CORO2B: variants seen among roughly 807,000 people sequenced by gnomAD.
The protein encoded by CORO2B is coronin 2B.
Under a neutral mutation model 58.8 loss-of-function variants are expected in CORO2B, and 26 were observed. That is an observed-to-expected ratio of 0.44 (90% CI 0.32 to 0.61). CORO2B has a LOEUF of 0.61. Among genes scored for constraint, CORO2B ranks in the 20% least tolerant of loss-of-function variants. The pLI, the probability that CORO2B is intolerant of heterozygous loss-of-function variation, is 0.04. For synonymous variants in CORO2B, 242 were observed against 253.8 expected, an observed-to-expected ratio of 0.95 and a Z score of 0.44; for missense variants, 460 against 645.1, an observed-to-expected ratio of 0.71 and a Z score of 3.11.
chr15:68,624,826 G>A (rs1430646824), intron 1 of CORO2B, among the ~76,000 whole-genome samples: 1 of 152,108 alleles, frequency 6.6e-6, no homozygotes. Flanking sequence ...GGGATTACGG[G>A]TGCCTACCAC....
intron 1 of CORO2B, among the ~76,000 whole-genome samples, chr15:68,620,958 C>T (rs1051451045): frequency 4.6e-5 from 7 of 152,180 alleles, no homozygotes; most frequent in East Asian, 1.9e-4. Context: ...GCACAGCGAG[C>T]GGTACAGGGC....
Position 68,726,094 on chromosome 15 carries a change from A to G in CORO2B, c.*120A>G. The G allele has an allele frequency of 7.9e-7, 1 of 1,267,862 alleles. No homozygotes were observed. Among genetic ancestry groups the G allele is most frequent in the Non-Finnish European group, 1.1e-6 (1 of 921,506 alleles). The allele number at this position is 1,267,862 out of a possible 1,614,324, so 78.5% of individuals were successfully genotyped here. ...GACAGGAGTGGGGGCCAGCCTGAGG[A>G]CCCCCGCCTACCACCTCGAGAACTG... On this transcript the variant is annotated 3_prime_UTR_variant, in exon 12 of 12. Coordinates refer to ENST00000261861, the MANE Select transcript of CORO2B (RefSeq NM_006091.5).
At chr15:68,559,848 C>T in the CORO2B span, among the ~76,000 whole-genome samples, 6 of 152,242 alleles carry the variant, frequency 3.9e-5, no homozygotes, top group Non-Finnish European at 7.3e-5. The surrounding 1 kb of genome is among the most constrained non-coding windows in gnomAD (Gnocchi z 4.3). Context: ...CGCAAACGCG[C>T]GCGCACGGAG....
the CORO2B span, among the ~76,000 whole-genome samples, chr15:68,519,967 T>C: frequency 1.3e-5 from 2 of 152,234 alleles, no homozygotes; most frequent in African/African-American, 4.8e-5. Context: ...TTTTGATATA[T>C]AATATTTATC....
At chr15:68,652,513 C>T (rs1034486641) in intron 2 of CORO2B, among the ~76,000 whole-genome samples, 2 of 152,168 alleles carry the variant, frequency 1.3e-5, no homozygotes, top group Admixed American at 1.3e-4. Flanking sequence ...ACCTGCTACC[C>T]CAACTGGCAC....
intron 1 of CORO2B, chr15:68,632,374 G>A: frequency 1.0e-6 from 1 of 985,430 alleles, no homozygotes; most frequent in Non-Finnish European, 1.2e-6. Context: ...ATTCAGCTCG[G>A]TCCAGTAGAG....
At chr15:68,716,084 G>T (rs992838399) in intron 8 of CORO2B, among the ~76,000 whole-genome samples, 4 of 152,136 alleles carry the variant, frequency 2.6e-5, no homozygotes, top group African/African-American at 9.7e-5. Context: ...GGCTGAAAGG[G>T]CCTGAGAGCC....
At chr15:68,713,884 G>A in intron 5 of CORO2B, 41 bp from the exon 6 acceptor site, 1 of 1,444,284 alleles carries the variant, frequency 6.9e-7, no homozygotes, top group Non-Finnish European at 9.7e-7. Context: ...GAACCCACAT[G>A]TTGGGGACCC....
At chr15:68,611,399 GT>G (rs199581053) in intron 1 of CORO2B, among the ~76,000 whole-genome samples, 1 of 151,882 alleles carries the variant, frequency 6.6e-6, no homozygotes, top group South Asian at 2.1e-4. Flanking sequence ...TTGTTTGTTT[GT>G]TTTTTTTCCC....
At position 68,588,145 on chromosome 15, in the gene CORO2B, C is replaced by A. The variant is rs370903805; in HGVS notation, c.15+8868C>A. Among the ~76,000 whole-genome samples the A allele has an allele frequency of 4.6e-5, 7 of 152,342 alleles. No homozygotes were observed. The South Asian group carries it at 1.2e-3, about 27-fold the overall frequency. ...TGTGATGTCTAATCTGTGCCCACTC[C>A]TTTCCTCTTCCTCACCAGTATTTCA... On this transcript the variant is annotated intron_variant, in intron 1 of 11. Transcript: ENST00000261861.
At chr15:68,602,626 G>A (rs1243498096) in intron 1 of CORO2B, among the ~76,000 whole-genome samples, 1 of 152,140 alleles carries the variant, frequency 6.6e-6, no homozygotes, top group Non-Finnish European at 1.5e-5. Context: ...CCTGGCTGGT[G>A]GGAGCCCCCA....
chr15:68,546,403 G>A, the CORO2B span, among the ~76,000 whole-genome samples: 2 of 152,132 alleles, frequency 1.3e-5, no homozygotes, highest in Non-Finnish European at 2.9e-5. Context: ...CTTAGCTACC[G>A]CAAGGGATTC....
intron 1 of CORO2B, among the ~76,000 whole-genome samples, chr15:68,608,241 G>A (rs911801517): frequency 6.6e-6 from 1 of 152,270 alleles, no homozygotes; most frequent in African/African-American, 2.4e-5. Context: ...CTAGGCAGGG[G>A]CCCAGGGTGG....
intron 4 of CORO2B, 48 bp from the exon 5 acceptor site, chr15:68,711,494 G>A: frequency 6.4e-7 from 1 of 1,564,772 alleles, no homozygotes; most frequent in Non-Finnish European, 8.7e-7. Context: ...AAACACCCCA[G>A]GACCCTAGCA....
At chr15:68,648,636 C>T (rs564284382) in intron 2 of CORO2B, among the ~76,000 whole-genome samples, 4 of 151,176 alleles carry the variant, frequency 2.6e-5, no homozygotes, top group South Asian at 2.1e-4. Context: ...GGCCACAGAG[C>T]GAGACTCCGT....
intron 11 of CORO2B, among the ~76,000 whole-genome samples, chr15:68,721,354 A>C (rs549622848): frequency 6.6e-6 from 1 of 152,284 alleles, no homozygotes; most frequent in South Asian, 2.1e-4. Flanking sequence ...ATTTGCTTTA[A>C]AATAACCCCT....
At chr15:68,633,514 TACAC>T (rs147873341) in intron 1 of CORO2B, among the ~76,000 whole-genome samples, 2,747 of 144,064 alleles carry the variant, frequency 0.019, 56 homozygotes, top group African/African-American at 0.064. Flanking sequence ...TACTCCAACA[TACAC>T]ACACACACAC....
the CORO2B span, among the ~76,000 whole-genome samples, chr15:68,547,770 T>C: frequency 4.5e-4 from 68 of 152,348 alleles, 1 homozygote; most frequent in African/African-American, 1.3e-3. Flanking sequence ...AATTTAAAAA[T>C]TACTTTACAT....
chr15:68,598,435 CCTT>C (rs1359777907), intron 1 of CORO2B, among the ~76,000 whole-genome samples: 1 of 152,208 alleles, frequency 6.6e-6, no homozygotes, highest in East Asian at 1.9e-4. Context: ...CTAATAGTAA[CCTT>C]CTGGGGAAAA....
Sources: gnomAD v4.1 joint callset for allele counts (sites outside exome capture counted in the v4.1 genomes callset) on GRCh38, gnomAD v4.1.1 for gene constraint, Gnocchi (gnomAD v3.1) non-coding constraint, MANE v1.5 for transcripts, NCBI Gene and HGNC (gene_info 2026-07-23, HGNC 2026-07-21) for gene names.